The following NAPEPLD variants were observed in gnomAD, a reference collection of about 807,000 sequenced individuals.
NAPEPLD encodes N-acyl-phosphatidylethanolamine-hydrolyzing phospholipase D.
In NAPEPLD, 23 loss-of-function variants were observed where a neutral mutation model predicts 38.1. The ratio of observed to expected loss-of-function variants is 0.60; its 90% CI spans 0.43 to 0.86. NAPEPLD has a LOEUF of 0.86. Among genes scored for constraint, NAPEPLD ranks in the 40% least tolerant of loss-of-function variants. The pLI is 0.00. For missense variants in NAPEPLD, 411 were observed against 476.8 expected, an observed-to-expected ratio of 0.86 and a Z score of 1.28; for synonymous variants, 147 against 162.0, an observed-to-expected ratio of 0.91 and a Z score of 0.71.
intron 2 of NAPEPLD, among the ~76,000 whole-genome samples, chr7:103,122,240 T>A (rs986803936): frequency 8.6e-5 from 13 of 151,964 alleles, no homozygotes; most frequent in African/African-American, 2.4e-4. Context: ...CTAGGAGGTA[T>A]CTTTTTGCCC....
chr7:103,115,156 C>T lies in NAPEPLD; in HGVS notation c.960G>A (p.Gln320=). The T allele has an allele frequency of 1.9e-6, 3 of 1,613,310 alleles. No homozygotes were observed. The highest frequency in any genetic ancestry group is 2.5e-6 in the Non-Finnish European group (3 of 1,179,650). ...AYEPRWFMKY[Q]HVDPEEAVRI... ...TTACAGCTTCTTCTGGGTCTACATG[C>T]TGGTATTTCATAAACCACCTGAAGA... The change falls in exon 4 of 5, where the codon CAG becomes CAA. Residue 320 remains glutamine, a synonymous_variant. Coordinates refer to ENST00000465647, the MANE Select transcript of NAPEPLD (RefSeq NM_001122838.3).
chr7:103,123,117 T>A lies in NAPEPLD; in HGVS notation c.295-2894A>T, dbSNP rs933162682. On this transcript the variant is annotated intron_variant, in intron 2 of 4. Coordinates refer to ENST00000465647, the MANE Select transcript of NAPEPLD (RefSeq NM_001122838.3). ...ACGGTACTCATCCCATTTCTCAGGT[T>A]AAATTATCTTCCCCCTTATCCCTTC... Among the ~76,000 whole-genome samples the A allele has an allele frequency of 3.3e-5, 5 of 152,332 alleles. No homozygotes were observed. The East Asian group carries it at 7.7e-4, about 23-fold the overall frequency.
At chr7:103,104,642 T>C (rs1802944743) in intron 4 of NAPEPLD, among the ~76,000 whole-genome samples, 1 of 152,230 alleles carries the variant, frequency 6.6e-6, no homozygotes, top group Admixed American at 6.5e-5. Flanking sequence ...GTTTTAACTG[T>C]ATGCTGGTTA....
chr7:103,111,940 A>C (rs1451755109), intron 4 of NAPEPLD, among the ~76,000 whole-genome samples: 1 of 152,184 alleles, frequency 6.6e-6, no homozygotes, highest in African/African-American at 2.4e-5. Context: ...AAAAGTGGGC[A>C]AAGGATATGA....
intron 2 of NAPEPLD, chr7:103,128,201 T>G (rs1287953587): frequency 9.6e-6 from 4 of 416,406 alleles, no homozygotes; most frequent in Non-Finnish European, 1.7e-5. Flanking sequence ...AGCTGAAATA[T>G]TCACCTCCTC....
upstream of NAPEPLD, chr7:103,149,568 C>T: frequency 9.2e-7 from 1 of 1,081,952 alleles, no homozygotes; most frequent in African/African-American, 1.7e-5. Flanking sequence ...TTCAGGCTGC[C>T]TCTCCAGCCC....
chr7:103,108,467 C>T (rs565529639), intron 4 of NAPEPLD, among the ~76,000 whole-genome samples: 2 of 152,280 alleles, frequency 1.3e-5, no homozygotes, highest in East Asian at 1.9e-4. Flanking sequence ...ATTTTCAACC[C>T]AGAATTTCAT....
chr7:103,128,270 C>A, intron 2 of NAPEPLD: 1 of 554,256 alleles, frequency 1.8e-6, no homozygotes, highest in Non-Finnish European at 3.1e-6. Context: ...ACCTCTAAAG[C>A]ACTCTGTTCC....
chr7:103,149,582 C>T, upstream of NAPEPLD: 1 of 963,088 alleles, frequency 1.0e-6, no homozygotes, highest in Admixed American at 4.0e-5. Context: ...CCAGCCCTTA[C>T]CAAGATGGCC....
At chr7:103,117,053 T>A (rs1805721099) in intron 3 of NAPEPLD, among the ~76,000 whole-genome samples, 1 of 152,202 alleles carries the variant, frequency 6.6e-6, no homozygotes, top group Non-Finnish European at 1.5e-5. Context: ...TTCCAAGCCA[T>A]CAGTTTCAAG....
At chr7:103,141,983 C>A in intron 1 of NAPEPLD, 3 of 711,420 alleles carry the variant, frequency 4.2e-6, no homozygotes, top group Non-Finnish European at 7.5e-6. Context: ...CCCTGTGGAG[C>A]TTTTTAAACT....
At chr7:103,145,508 T>C (rs958149110) in intron 1 of NAPEPLD, among the ~76,000 whole-genome samples, 3 of 152,230 alleles carry the variant, frequency 2.0e-5, no homozygotes, top group African/African-American at 7.2e-5. Context: ...TGGAAAAGCC[T>C]AATTTCAATG....
At chr7:103,135,838 TAA>T (rs1299487543) in intron 1 of NAPEPLD, among the ~76,000 whole-genome samples, 1 of 152,190 alleles carries the variant, frequency 6.6e-6, no homozygotes, top group African/African-American at 2.4e-5. Flanking sequence ...GTTCTACTAT[TAA>T]CTAGAGATGT....
intron 1 of NAPEPLD, among the ~76,000 whole-genome samples, chr7:103,140,629 G>A (rs774268032): frequency 1.3e-5 from 2 of 151,854 alleles, no homozygotes; most frequent in Non-Finnish European, 2.9e-5. Context: ...TCCTGACCTC[G>A]TGATCTGCCC....
intron 2 of NAPEPLD, among the ~76,000 whole-genome samples, chr7:103,122,339 T>C (rs1372200446): frequency 6.6e-6 from 1 of 152,032 alleles, no homozygotes; most frequent in East Asian, 1.9e-4. Flanking sequence ...GATAAAACAA[T>C]TCTAGAGTCC....
chr7:103,149,120 C>G (rs1035919529), upstream of NAPEPLD: 1 of 986,666 alleles, frequency 1.0e-6, no homozygotes, highest in Non-Finnish European at 1.2e-6. Flanking sequence ...GCCCAGAGAC[C>G]GTGGAGGAGG....
chr7:103,141,387 T>A (rs112975931), intron 1 of NAPEPLD: 1 of 815,258 alleles, frequency 1.2e-6, no homozygotes, highest in Non-Finnish European at 2.2e-6. Context: ...AAAGTCTTGA[T>A]GATCTCCTCC....
chr7:103,143,123 G>A (rs918681560), intron 1 of NAPEPLD, among the ~76,000 whole-genome samples: 4 of 151,954 alleles, frequency 2.6e-5, no homozygotes, highest in African/African-American at 4.8e-5. Flanking sequence ...CAGGTGTGGC[G>A]GGCTGAGATA....
At chr7:103,116,283 G>A (rs1805559412) in intron 3 of NAPEPLD, among the ~76,000 whole-genome samples, 1 of 152,076 alleles carries the variant, frequency 6.6e-6, no homozygotes, top group South Asian at 2.1e-4. Context: ...GGATGGTACT[G>A]ATCTCCTGAC....
Sources: allele counts gnomAD v4.1 joint callset (sites outside exome capture counted in the v4.1 genomes callset), GRCh38; gene constraint gnomAD v4.1.1; transcripts MANE v1.5; gene names NCBI Gene and HGNC (gene_info 2026-07-23, HGNC 2026-07-21).